CSNK1A1: variants seen among roughly 807,000 people sequenced by gnomAD.
CSNK1A1 encodes casein kinase I isoform alpha.
Under a neutral mutation model 46.1 loss-of-function variants are expected in CSNK1A1, and 7 were observed. That is an observed-to-expected ratio of 0.15 (90% CI 0.09 to 0.29). CSNK1A1 has a LOEUF of 0.29. Among genes scored for constraint, CSNK1A1 ranks in the 10% least tolerant of loss-of-function variants. CSNK1A1 has a pLI of 1.00. For missense variants in CSNK1A1, 96 were observed against 417.1 expected (o/e 0.23, Z 6.71); for synonymous variants, 137 against 141.5 (o/e 0.97, Z 0.23).
At chr5:149,519,978 T>C (rs1043609680) in intron 4 of CSNK1A1, among the ~76,000 whole-genome samples, 2 of 152,222 alleles carry the variant, frequency 1.3e-5, no homozygotes, top group African/African-American at 2.4e-5. Context: ...TTTTTGCTAT[T>C]TTTGTGAATG....
chr5:149,537,381 A>G (rs955079449), intron 2 of CSNK1A1, among the ~76,000 whole-genome samples: 1 of 152,172 alleles, frequency 6.6e-6, no homozygotes, highest in African/African-American at 2.4e-5. Flanking sequence ...ATCTCTAGTG[A>G]AAAACAAACA....
In CSNK1A1 at chr5:149,533,656, T is replaced by G. The variant is rs73798238; in HGVS notation, c.231-8485A>C. On this transcript the variant is annotated intron_variant, in intron 2 of 9. Transcript: ENST00000377843. ...GTGTTATTTCAAAGATCACAAATAA[T>G]TGAGCGGGGACGTAGTTGCAAAAAA... 2.1e-3 allele frequency among the ~76,000 whole-genome samples: 319 copies of G among 151,796 alleles called. 1 individual carries two copies. Among genetic ancestry groups the G allele is most frequent in the African/African-American group, 7.5e-3 (311 of 41,298 alleles).
Position 149,498,252 on chromosome 5 carries a change from G to A in CSNK1A1, c.1007-1392C>T, listed in dbSNP as rs79898474. ...CTTTTTTTTTTTGGGAAATAATAGC[G>A]AACATACAAGAGAGTAGGTGCATAA... On this transcript the variant is annotated intron_variant, in intron 9 of 9. Transcript: ENST00000377843. 56 of 984,608 alleles carry A rather than the reference G, an allele frequency of 5.7e-5. No individual in the cohort carries two copies. In the East Asian group the frequency reaches 4.1e-3, roughly 72 times the overall value. 61.0% of individuals were successfully genotyped at this position (984,608 alleles called of 1,614,324 possible).
rs1022388404 is a variant in CSNK1A1, at chr5:149,550,439, G to C, written c.124-258C>G. 3 of 1,047,694 alleles carry C rather than the reference G, an allele frequency of 2.9e-6. No individual in the cohort carries two copies. In the South Asian group the frequency reaches 7.6e-5, roughly 27 times the overall value. The allele number at this position is 1,047,694 out of a possible 1,614,324, so 64.9% of individuals were successfully genotyped here. A position where few individuals can be genotyped will look rare whatever the true frequency, so the allele number is the denominator to read the frequency against. ...AAAAAAGAGGCAACCTCTGAACGTA[G>C]TGAGAGGTTTTTAAGGAACTAGGCG... On this transcript the variant is annotated intron_variant, in intron 1 of 9. Coordinates refer to ENST00000377843, the MANE Select transcript of CSNK1A1 (RefSeq NM_001892.6). The surrounding 1 kb of genome is among the most constrained non-coding windows in gnomAD (Gnocchi z 4.3).
At chr5:149,497,155 T>C in intron 9 of CSNK1A1, 9 of 1,151,626 alleles carry the variant, frequency 7.8e-6, no homozygotes, top group African/African-American at 1.6e-5. Context: ...TCTGCATTTT[T>C]ACATATGCAG....
rs1762634124 is a variant in CSNK1A1 at position 149,550,791 on chromosome 5, G to A, written c.123+51C>T. 11 of 1,611,970 alleles carry A rather than the reference G, an allele frequency of 6.8e-6. No individual in the cohort carries two copies. Among genetic ancestry groups the A allele is most frequent in the Non-Finnish European group, 8.5e-6 (10 of 1,178,738 alleles). On this transcript the variant is annotated intron_variant, in intron 1 of 9. Coordinates refer to ENST00000377843, the MANE Select transcript of CSNK1A1 (RefSeq NM_001892.6). The surrounding 1 kb of genome is among the most constrained non-coding windows in gnomAD (Gnocchi z 4.3). ...TTTGGGGGTGCACGGTGGTGGTGGG[G>A]GGAATGAGTAAAAGCGCAGCGTTAT...
intron 5 of CSNK1A1, among the ~76,000 whole-genome samples, chr5:149,512,191 G>C (rs1175677917): frequency 1.3e-5 from 2 of 151,376 alleles, no homozygotes; most frequent in Non-Finnish European, 2.9e-5. Flanking sequence ...ATGTTTTGCA[G>C]AAACTCATTA....
intron 9 of CSNK1A1, chr5:149,502,534 T>G (rs1486214919): frequency 0.12 from 2,859 of 23,298 alleles, 9 homozygotes; most frequent in African/African-American, 0.25. Flanking sequence ...GGGGGGGGGG[T>G]TGGGGACGAT....
At chr5:149,532,177 C>A (rs1179880022) in intron 2 of CSNK1A1, among the ~76,000 whole-genome samples, 1 of 152,088 alleles carries the variant, frequency 6.6e-6, no homozygotes, top group Non-Finnish European at 1.5e-5. Flanking sequence ...CAGTGCCCAG[C>A]CCTACACTCT....
chr5:149,519,419 CAGAT>C (rs1761498937), intron 4 of CSNK1A1, among the ~76,000 whole-genome samples: 1 of 152,146 alleles, frequency 6.6e-6, no homozygotes, highest in South Asian at 2.1e-4. Context: ...GAATTTCTAT[CAGAT>C]AGATCATCAG....
Position 149,497,128 on chromosome 5 carries a change from A to C in CSNK1A1, c.1007-268T>G, listed in dbSNP as rs1336808973. 1.0e-5 allele frequency: 12 copies of C among 1,195,858 alleles called. No individual in the cohort carries two copies. In the African/African-American group the frequency reaches 1.9e-4, roughly 19 times the overall value. 74.1% of individuals were successfully genotyped at this position (1,195,858 alleles called of 1,614,324 possible). The stretch of plus-strand genomic sequence containing the variant: ...CAGCATACTAAAATAATTATTAGTA[A>C]TTCAAATGAGCATGTTTCTGCATTT... On this transcript the variant is annotated intron_variant, in intron 9 of 9. Coordinates refer to ENST00000377843, the MANE Select transcript of CSNK1A1 (RefSeq NM_001892.6).
At chr5:149,503,311 G>C in intron 9 of CSNK1A1, 3 of 985,402 alleles carry the variant, frequency 3.0e-6, no homozygotes, top group Non-Finnish European at 3.6e-6. Flanking sequence ...GTTTATGAGA[G>C]TTTCATGTAA....
chr5:149,510,472 T>TTTG (rs1761181759), intron 6 of CSNK1A1, among the ~76,000 whole-genome samples: 2 of 151,834 alleles, frequency 1.3e-5, no homozygotes, highest in African/African-American at 4.8e-5. Context: ...TTCTTTGTTT[T>TTTG]TTTGTTTGTT....
chr5:149,539,511 T>C (rs2113170598), intron 2 of CSNK1A1, among the ~76,000 whole-genome samples: 1 of 151,308 alleles, frequency 6.6e-6, no homozygotes, highest in South Asian at 2.1e-4. Context: ...CTTATTAGGT[T>C]GTAATTCTAG....
chr5:149,525,230 A>G lies in CSNK1A1; in HGVS notation c.231-59T>C, dbSNP rs1761690188. The G allele has an allele frequency of 1.6e-5, 23 of 1,455,528 alleles. No homozygotes were observed. The South Asian group carries it at 3.4e-4, about 21-fold the overall frequency. The allele number at this position is 1,455,528 out of a possible 1,614,324, so 90.2% of individuals were successfully genotyped here. A position where few individuals can be genotyped will look rare whatever the true frequency, so the allele number is the denominator to read the frequency against. ...AAAAAGCTATTACTTAATATCATCA[A>G]CCCTAAGAATAATATAGTTTTCTTT... On this transcript the variant is annotated intron_variant, in intron 2 of 9. Coordinates refer to ENST00000377843, the MANE Select transcript of CSNK1A1 (RefSeq NM_001892.6). The surrounding 1 kb of genome is among the most constrained non-coding windows in gnomAD (Gnocchi z 4.2).
intron 2 of CSNK1A1, among the ~76,000 whole-genome samples, chr5:149,539,324 A>G (rs1217528447): frequency 6.6e-6 from 1 of 152,118 alleles, no homozygotes; most frequent in African/African-American, 2.4e-5. Flanking sequence ...AAATTAGCCA[A>G]GTATGGTGGT....
chr5:149,536,390 T>A (rs1762063192), intron 2 of CSNK1A1, among the ~76,000 whole-genome samples: 2 of 152,230 alleles, frequency 1.3e-5, no homozygotes, highest in Non-Finnish European at 1.5e-5. Context: ...TTAATTAATT[T>A]GCTTAGAAAA....
chr5:149,504,689 T>G, intron 9 of CSNK1A1: 8 of 985,456 alleles, frequency 8.1e-6, no homozygotes, highest in Non-Finnish European at 9.6e-6. Flanking sequence ...ACCTTCAATT[T>G]GCAAGGCCTG....
chr5:149,551,066 G>A lies in CSNK1A1; in HGVS notation c.-102C>T, dbSNP rs543561439. On this transcript the variant is annotated 5_prime_UTR_variant, in exon 1 of 10. Transcript: ENST00000377843. ...ACTAGGCAAGGCTACGGAGGAGGGC[G>A]GCAGGAAACGGAACACGGAGGCCTT... The A allele has an allele frequency of 1.2e-5, 16 of 1,342,000 alleles. No homozygotes were observed. The African/African-American group carries it at 1.9e-4, about 16-fold the overall frequency. 83.1% of individuals were successfully genotyped at this position (1,342,000 alleles called of 1,614,324 possible).
Sources: gnomAD v4.1 joint callset for allele counts (sites outside exome capture counted in the v4.1 genomes callset) on GRCh38, gnomAD v4.1.1 for gene constraint, Gnocchi (gnomAD v3.1) non-coding constraint, MANE v1.5 for transcripts, NCBI Gene and HGNC (gene_info 2026-07-23, HGNC 2026-07-21) for gene names.